Variants in PDXDC1 observed in about 807,000 individuals in gnomAD.
PDXDC1 encodes the protein pyridoxal dependent decarboxylase domain containing 1.
Under a neutral mutation model 100.1 loss-of-function variants are expected in PDXDC1, and 42 were observed. That is an observed-to-expected ratio of 0.42 (90% CI 0.33 to 0.54). The LOEUF is 0.54. Among genes scored for constraint, PDXDC1 ranks in the 20% least tolerant of loss-of-function variants. The probability of loss-of-function intolerance (pLI) is 0.10; values close to 1 mark genes in which losing one functional copy is unlikely to be tolerated. For missense variants in PDXDC1, 636 were observed against 979.2 expected (o/e 0.65, Z 4.68); for synonymous variants, 260 against 371.7 (o/e 0.70, Z 3.46).
At chr16:14,990,249 G>A (rs1466576694) in intron 1 of PDXDC1, 11 of 705,330 alleles carry the variant, frequency 1.6e-5, no homozygotes, top group Middle Eastern at 7.1e-4. Flanking sequence ...CTCACTGCCC[G>A]GCCCAGACCG....
intron 1 of PDXDC1, among the ~76,000 whole-genome samples, chr16:14,991,395 G>A (rs1478239518): frequency 1.3e-5 from 2 of 152,176 alleles, no homozygotes; most frequent in African/African-American, 4.8e-5. Context: ...CAACCTCCCA[G>A]GCTCAAGTGA....
chr16:14,992,849 C>CT (rs56053955), intron 1 of PDXDC1, among the ~76,000 whole-genome samples: 270 of 148,776 alleles, frequency 1.8e-3, no homozygotes, highest in East Asian at 0.011. Context: ...TTATGCTATA[C>CT]TTTTTTTTTT....
chr16:15,144,310 G>A (rs529417489), downstream of PDXDC1, among the ~76,000 whole-genome samples: 1 of 152,326 alleles, frequency 6.6e-6, no homozygotes, highest in Admixed American at 6.5e-5. Context: ...TTCTATTTAA[G>A]GAGAGTGAGG....
chr16:15,125,766 C>T (rs1297385291), intron 16 of PDXDC1: 3 of 1,522,112 alleles, frequency 2.0e-6, no homozygotes, highest in Admixed American at 1.8e-5. Flanking sequence ...CGATGTCCAG[C>T]ACCTGCTGCC....
At chr16:15,128,538 C>T in intron 16 of PDXDC1, 1 of 629,442 alleles carries the variant, frequency 1.6e-6, no homozygotes, top group Non-Finnish European at 2.8e-6. Context: ...ACACGAGGAG[C>T]TGAGGTTACT....
At chr16:15,004,836 C>T (rs1597433017) in intron 5 of PDXDC1, among the ~76,000 whole-genome samples, 1 of 152,240 alleles carries the variant, frequency 6.6e-6, no homozygotes, top group East Asian at 1.9e-4. Context: ...CTCTTGATTA[C>T]ATATAATACC....
Position 15,074,646 on chromosome 16 carries a change from G to T in PDXDC1, c.1399+44590G>T. On this transcript the variant is annotated intron_variant, in intron 16 of 16. Coordinates refer to the PDXDC1 transcript ENST00000535621. ...TTACAGGATTTTTAGTATTACTAGA[G>T]ATAATGGATGGAAAATGCCCAGCAC... is the stretch of plus-strand genomic sequence containing the variant. The T allele has an allele frequency of 5.6e-6, 6 of 1,072,138 alleles. No homozygotes were observed. The South Asian group carries it at 8.4e-5, about 15-fold the overall frequency. 66.4% of individuals were successfully genotyped at this position (1,072,138 alleles called of 1,614,324 possible).
rs775276373 is a variant in PDXDC1 at position 15,028,868 on chromosome 16, T to C, written c.1205-10T>C. 1.9e-6 allele frequency: 3 copies of C among 1,612,760 alleles called. No homozygotes were observed. Among genetic ancestry groups the C allele is most frequent in the East Asian group, 2.2e-5 (1 of 44,740 alleles). On this transcript the variant is annotated splice_polypyrimidine_tract_variant and intron_variant, in intron 14 of 22. Transcript: ENST00000396410. ...CTGGGAGTGACTCCCTTTCTGTGTT[T>C]TGGTGTCAGATCCGGTGTTTAAAGC...
chr16:14,977,404 C>T (rs1470707414), intron 1 of PDXDC1, among the ~76,000 whole-genome samples: 3 of 152,096 alleles, frequency 2.0e-5, no homozygotes, highest in South Asian at 2.1e-4. Flanking sequence ...CTCAGCCTCC[C>T]GAGCAGCTGT....
chr16:15,104,455 G>C, intron 16 of PDXDC1: 1 of 1,038,158 alleles, frequency 9.6e-7, no homozygotes, highest in Non-Finnish European at 1.3e-6. Context: ...AGGGTGGAAG[G>C]GGAGTGAGCA....
chr16:15,077,404 C>T (rs958734954), intron 16 of PDXDC1, among the ~76,000 whole-genome samples: 1 of 152,014 alleles, frequency 6.6e-6, no homozygotes, highest in African/African-American at 2.4e-5. Context: ...GTGAATAAGT[C>T]TCAAGAGATC....
At chr16:15,141,233 C>T (rs1199102040), downstream of PDXDC1, among the ~76,000 whole-genome samples, 9 of 152,344 alleles carry the variant, frequency 5.9e-5, no homozygotes, top group South Asian at 4.1e-4. Context: ...GCAGGAGAGA[C>T]GCACACACAG....
chr16:15,052,366 A>G (rs1162890710), intron 16 of PDXDC1, among the ~76,000 whole-genome samples: 2 of 152,256 alleles, frequency 1.3e-5, no homozygotes, highest in East Asian at 1.9e-4. Context: ...ATACATAAGC[A>G]GGGTCCGGCC....
At chr16:15,148,888 G>A in the PDXDC1 span, among the ~76,000 whole-genome samples, 4 of 152,052 alleles carry the variant, frequency 2.6e-5, no homozygotes, top group East Asian at 1.9e-4. Context: ...CGGCAATCGC[G>A]TACAGGAGTG....
chr16:15,006,949 G>A (rs1178553787), intron 6 of PDXDC1, among the ~76,000 whole-genome samples: 1 of 152,272 alleles, frequency 6.6e-6, no homozygotes, highest in Non-Finnish European at 1.5e-5. Flanking sequence ...TCCTTCAAGT[G>A]AATATATAGT....
downstream of PDXDC1, among the ~76,000 whole-genome samples, chr16:15,042,175 A>C (rs1367780047): frequency 6.7e-6 from 1 of 149,204 alleles, no homozygotes; most frequent in African/African-American, 2.4e-5. Flanking sequence ...CTATAAAGAC[A>C]ATTTTATATC....
intron 16 of PDXDC1, chr16:15,045,123 CAAA>C (rs71150202): frequency 3.0e-5 from 3 of 98,710 alleles, no homozygotes; most frequent in Non-Finnish European, 4.0e-5. Context: ...GACTCTATCT[CAAA>C]AAAAAAAAAA....
intron 1 of PDXDC1, among the ~76,000 whole-genome samples, chr16:14,991,332 C>CACTT: frequency 6.6e-6 from 1 of 151,652 alleles, no homozygotes; most frequent in East Asian, 2.0e-4. Context: ...GACAGGTTCT[C>CACTT]TGTTGACCAG....
rs1411298685 is a variant in PDXDC1 at position 15,087,660 on chromosome 16, C to G, written c.1400-51219C>G. ...TTTGTACTATGGTAATTTCATATGT[C>G]CACAACTGTTAAGGATAACATTAAC... On this transcript the variant is annotated intron_variant, in intron 16 of 16. Coordinates refer to the PDXDC1 transcript ENST00000535621. Among the ~76,000 whole-genome samples, 3 of 152,118 alleles carry G rather than the reference C, an allele frequency of 2.0e-5. No individual in the cohort carries two copies. In the East Asian group the frequency reaches 5.8e-4, roughly 29 times the overall value.
Sources: allele counts gnomAD v4.1 joint callset (sites outside exome capture counted in the v4.1 genomes callset), GRCh38; gene constraint gnomAD v4.1.1; transcripts MANE v1.5; gene names NCBI Gene and HGNC (gene_info 2026-07-23, HGNC 2026-07-21).